CERS6: variants seen among roughly 807,000 people sequenced by gnomAD.
CERS6 encodes the protein LAG1 homolog, ceramide synthase 6.
Under a neutral mutation model 56.8 loss-of-function variants are expected in CERS6, and 26 were observed. The ratio of observed to expected loss-of-function variants is 0.46; its 90% confidence interval spans 0.34 to 0.63. The LOEUF (loss-of-function observed/expected upper bound fraction) is 0.63. CERS6 is among the 30% of genes least tolerant of loss of function. CERS6 has a pLI of 0.01. For synonymous variants in CERS6, 164 were observed against 173.3 expected (o/e 0.95, Z 0.42); for missense variants, 415 against 467.5 (o/e 0.89, Z 1.04).
chr2:168,721,255 A>G (rs922514098), intron 8 of CERS6, among the ~76,000 whole-genome samples: 2 of 152,108 alleles, frequency 1.3e-5, no homozygotes, highest in Non-Finnish European at 2.9e-5. Flanking sequence ...TGTTTTCAAG[A>G]TTTATCCATG....
chr2:168,680,342 G>A (rs1356212277), intron 4 of CERS6, among the ~76,000 whole-genome samples: 1 of 152,172 alleles, frequency 6.6e-6, no homozygotes, highest in Non-Finnish European at 1.5e-5. Context: ...ATAGGGAGGA[G>A]GCATTTGAAC....
chr2:168,471,348 A>G (rs1194493639), intron 1 of CERS6, among the ~76,000 whole-genome samples: 1 of 152,200 alleles, frequency 6.6e-6, no homozygotes, highest in East Asian at 1.9e-4. Context: ...CCACTTGCAT[A>G]TATAATAAGA....
At chr2:168,595,006 T>C (rs1387260554) in intron 3 of CERS6, among the ~76,000 whole-genome samples, 1 of 152,212 alleles carries the variant, frequency 6.6e-6, no homozygotes, top group Non-Finnish European at 1.5e-5. Context: ...CTAGTGCTGT[T>C]TCAGGGCTGT....
chr2:168,658,189 T>C (rs76172517), intron 4 of CERS6, among the ~76,000 whole-genome samples: 18,491 of 152,164 alleles, frequency 0.12, 1,191 homozygotes, highest in Middle Eastern at 0.16. Flanking sequence ...CGTTAAGGAT[T>C]CAATGAGCAA....
intron 3 of CERS6, among the ~76,000 whole-genome samples, chr2:168,561,630 T>A (rs1695791865): frequency 6.6e-6 from 1 of 152,236 alleles, no homozygotes; most frequent in Admixed American, 6.5e-5. Flanking sequence ...CTTTTATAGA[T>A]GTGGGTAGTT....
intron 2 of CERS6, among the ~76,000 whole-genome samples, chr2:168,549,254 C>T (rs1355341624): frequency 2.6e-5 from 4 of 152,032 alleles, no homozygotes; most frequent in African/African-American, 7.2e-5. Flanking sequence ...TGTTTCACTT[C>T]CCTTGCCTTA....
intron 1 of CERS6, among the ~76,000 whole-genome samples, chr2:168,491,296 G>A (rs781708892): frequency 1.3e-5 from 2 of 152,168 alleles, no homozygotes; most frequent in Non-Finnish European, 2.9e-5. Flanking sequence ...TTCATATAGG[G>A]CTTTGCGCCC....
At chr2:168,495,435 C>T (rs940147010) in intron 1 of CERS6, among the ~76,000 whole-genome samples, 1 of 152,204 alleles carries the variant, frequency 6.6e-6, no homozygotes, top group Non-Finnish European at 1.5e-5. Flanking sequence ...ATGCAGTTTT[C>T]TGCTTTCAGA....
chr2:168,536,147 C>T (rs1695259408), intron 1 of CERS6, among the ~76,000 whole-genome samples: 1 of 152,110 alleles, frequency 6.6e-6, no homozygotes, highest in Non-Finnish European at 1.5e-5. Flanking sequence ...GGATAGTTAT[C>T]CTATGATGAC....
intron 1 of CERS6, among the ~76,000 whole-genome samples, chr2:168,486,860 T>C (rs1001248395): frequency 3.0e-4 from 46 of 152,180 alleles, no homozygotes; most frequent in African/African-American, 1.0e-3. Context: ...GCATTTCACA[T>C]CTCCTTGTCC....
Position 168,554,161 on chromosome 2 carries a change from G to GA in CERS6, c.276+6470dup, listed in dbSNP as rs35998007. ...CTAGAACAAAAATTACTCCCAAAAGGAAAAAAAAAATGTAGTGAAATGTTT... is the reference window on the plus strand; with the variant it reads ...CTAGAACAAAAATTACTCCCAAAAGGAAAAAAAAAAATGTAGTGAAATGTTT... On this transcript the variant is annotated intron_variant, in intron 2 of 9. Transcript: ENST00000305747. 4.1e-4 allele frequency among the ~76,000 whole-genome samples: 60 copies of GA among 145,578 alleles called. No homozygotes were observed. In the East Asian group the frequency reaches 5.0e-3, roughly 12 times the overall value.
intron 4 of CERS6, among the ~76,000 whole-genome samples, chr2:168,664,575 G>A (rs892963487): frequency 6.6e-6 from 1 of 152,134 alleles, no homozygotes; most frequent in Admixed American, 6.5e-5. Flanking sequence ...TTACTTTTTG[G>A]TGATAGGCTA....
At chr2:168,729,122 G>GA (rs1002272892) in intron 8 of CERS6, among the ~76,000 whole-genome samples, 1 of 151,888 alleles carries the variant, frequency 6.6e-6, no homozygotes, top group Non-Finnish European at 1.5e-5. Flanking sequence ...TGGAGGAAGA[G>GA]AAAAAATAAA....
intron 1 of CERS6, among the ~76,000 whole-genome samples, chr2:168,543,724 T>A (rs1558991130): frequency 6.6e-6 from 1 of 152,194 alleles, no homozygotes; most frequent in Non-Finnish European, 1.5e-5. Flanking sequence ...TATGCAATTT[T>A]AAAAAAATCT....
chr2:168,628,109 C>T (rs1684631483), intron 3 of CERS6, among the ~76,000 whole-genome samples: 1 of 152,164 alleles, frequency 6.6e-6, no homozygotes, highest in Admixed American at 6.5e-5. Context: ...CTAAAACTTT[C>T]CTAAAAATTA....
intron 1 of CERS6, among the ~76,000 whole-genome samples, chr2:168,458,251 A>C (rs1477031601): frequency 6.6e-6 from 1 of 152,198 alleles, no homozygotes; most frequent in African/African-American, 2.4e-5. Flanking sequence ...GCTCACTTTT[A>C]GATAGATAAT....
chr2:168,688,362 G>A (rs1316981135), intron 4 of CERS6, among the ~76,000 whole-genome samples: 1 of 151,540 alleles, frequency 6.6e-6, no homozygotes, highest in African/African-American at 2.4e-5. Context: ...GAACGCAGGA[G>A]GCAGAGGTCG....
chr2:168,691,116 CACAT>C (rs1559053922), intron 5 of CERS6, 32 bp downstream of exon 5: 2 of 1,591,016 alleles, frequency 1.3e-6, no homozygotes, highest in Non-Finnish European at 1.7e-6. Context: ...GGTTTTTACA[CACAT>C]TAAGTATCTA....
intron 3 of CERS6, among the ~76,000 whole-genome samples, chr2:168,574,023 G>A (rs1402435920): frequency 5.3e-5 from 8 of 152,102 alleles, no homozygotes; most frequent in Non-Finnish European, 7.4e-5. Context: ...TTCTTCTAAC[G>A]TTGTCCTTTA....
Sources: allele counts gnomAD v4.1 joint callset (sites outside exome capture counted in the v4.1 genomes callset), GRCh38; gene constraint gnomAD v4.1.1; transcripts MANE v1.5; gene names NCBI Gene and HGNC (gene_info 2026-07-23, HGNC 2026-07-21).